The following ENTREP2 variants were observed in gnomAD, a reference collection of about 807,000 sequenced individuals.
The protein encoded by ENTREP2 is protein ENTREP2.
At chr15:29,537,433 T>A in the ENTREP2 span, among the ~76,000 whole-genome samples, 1 of 152,198 alleles carries the variant, frequency 6.6e-6, no homozygotes, top group Non-Finnish European at 1.5e-5. Context: ...AGAGGTCCAC[T>A]TCCCCTTTGG....
chr15:29,471,972 G>T, the ENTREP2 span, among the ~76,000 whole-genome samples: 1 of 152,154 alleles, frequency 6.6e-6, no homozygotes, highest in Admixed American at 6.5e-5. Flanking sequence ...AGGAGGAGTG[G>T]CCCTGAGGGC....
the ENTREP2 span, among the ~76,000 whole-genome samples, chr15:29,127,814 G>A: frequency 6.6e-6 from 1 of 152,188 alleles, no homozygotes; most frequent in Non-Finnish European, 1.5e-5. Context: ...GCCCCCTTCA[G>A]CCCAAACCCT....
the ENTREP2 span, among the ~76,000 whole-genome samples, chr15:29,175,682 G>A: frequency 1.3e-5 from 2 of 152,334 alleles, no homozygotes; most frequent in Admixed American, 1.3e-4. Context: ...TCGGCTCACA[G>A]CAACCTCCAC....
At chr15:29,287,753 C>T in the ENTREP2 span, among the ~76,000 whole-genome samples, 1 of 152,134 alleles carries the variant, frequency 6.6e-6, no homozygotes, top group African/African-American at 2.4e-5. Flanking sequence ...ACAATTTGAC[C>T]AATTTACTAA....
At chr15:29,471,669 CG>C in the ENTREP2 span, among the ~76,000 whole-genome samples, 2 of 152,154 alleles carry the variant, frequency 1.3e-5, no homozygotes, top group Non-Finnish European at 2.9e-5. Flanking sequence ...ACGCATACAC[CG>C]GGGTAATACG....
the ENTREP2 span, among the ~76,000 whole-genome samples, chr15:29,179,881 A>G: frequency 6.6e-6 from 1 of 152,016 alleles, no homozygotes; most frequent in Non-Finnish European, 1.5e-5. Flanking sequence ...CACCGCGCCC[A>G]GCCAGGGCTG....
At chr15:29,251,414 G>A in the ENTREP2 span, among the ~76,000 whole-genome samples, 1 of 152,236 alleles carries the variant, frequency 6.6e-6, no homozygotes, top group Admixed American at 6.5e-5. Context: ...CAACAAACAA[G>A]TTGTTGATCT....
the ENTREP2 span, among the ~76,000 whole-genome samples, chr15:29,444,104 A>G: frequency 6.6e-6 from 1 of 151,194 alleles, no homozygotes; most frequent in Non-Finnish European, 1.5e-5. Flanking sequence ...CTCCGTCTCA[A>G]AAAGAAAGAA....
the ENTREP2 span, among the ~76,000 whole-genome samples, chr15:29,414,276 G>T: frequency 2.0e-5 from 3 of 152,098 alleles, no homozygotes; most frequent in South Asian, 2.1e-4. Flanking sequence ...AAATGTAAAA[G>T]AACAGAAATT....
At chr15:29,508,024 AG>A in the ENTREP2 span, among the ~76,000 whole-genome samples, 1 of 152,176 alleles carries the variant, frequency 6.6e-6, no homozygotes, top group Admixed American at 6.5e-5. Flanking sequence ...AGAGGAAAAG[AG>A]AGAAAACTCA....
the ENTREP2 span, among the ~76,000 whole-genome samples, chr15:29,168,461 A>G: frequency 1.3e-5 from 2 of 152,200 alleles, no homozygotes; most frequent in South Asian, 2.1e-4. Context: ...TGTAATTTAA[A>G]TTTTCCACGA....
chr15:29,163,118 C>G, the ENTREP2 span, among the ~76,000 whole-genome samples: 1 of 152,200 alleles, frequency 6.6e-6, no homozygotes, highest in Admixed American at 6.5e-5. Flanking sequence ...GGGGAGATTA[C>G]TCCATGAAGG....
chr15:29,559,611 C>T, the ENTREP2 span, among the ~76,000 whole-genome samples: 1 of 152,096 alleles, frequency 6.6e-6, no homozygotes, highest in African/African-American at 2.4e-5. Flanking sequence ...CCTTTCCGGG[C>T]TTCCAGAGGC....
At chr15:29,210,402 G>A in the ENTREP2 span, among the ~76,000 whole-genome samples, 1 of 152,212 alleles carries the variant, frequency 6.6e-6, no homozygotes, top group East Asian at 1.9e-4. Context: ...ACCAGTACTG[G>A]TCCTTGACCT....
chr15:29,534,639 T>C, the ENTREP2 span, among the ~76,000 whole-genome samples: 40 of 152,154 alleles, frequency 2.6e-4, no homozygotes, highest in Non-Finnish European at 5.6e-4. Flanking sequence ...TATTGTTAAG[T>C]AGGAGATGAG....
chr15:29,655,094 TA>T, the ENTREP2 span, among the ~76,000 whole-genome samples: 1 of 144,920 alleles, frequency 6.9e-6, no homozygotes, highest in Non-Finnish European at 1.5e-5. Context: ...GAAAGGATTC[TA>T]AAGTGATCTG....
At chr15:29,353,602 G>T in the ENTREP2 span, among the ~76,000 whole-genome samples, 6 of 152,308 alleles carry the variant, frequency 3.9e-5, no homozygotes, top group African/African-American at 1.4e-4. Context: ...CCAAGACACA[G>T]TAGCTCATTT....
At chr15:29,556,914 C>T in the ENTREP2 span, among the ~76,000 whole-genome samples, 2 of 152,162 alleles carry the variant, frequency 1.3e-5, no homozygotes, top group African/African-American at 2.4e-5. Flanking sequence ...GGCCCCAGAG[C>T]GCTCCATCCC....
chr15:29,516,691 G>T, the ENTREP2 span, among the ~76,000 whole-genome samples: 1 of 152,098 alleles, frequency 6.6e-6, no homozygotes, highest in Non-Finnish European at 1.5e-5. Context: ...TGGTAAAGTG[G>T]TATTATTTGC....
Sources: allele counts gnomAD v4.1 joint callset (sites outside exome capture counted in the v4.1 genomes callset), GRCh38; gene constraint gnomAD v4.1.1; transcripts MANE v1.5; gene names NCBI Gene and HGNC (gene_info 2026-07-23, HGNC 2026-07-21).